C4orf50: variants seen among roughly 807,000 people sequenced by gnomAD.
The protein encoded by C4orf50 is uncharacterized protein C4orf50.
Under a neutral mutation model 77.2 loss-of-function variants are expected in C4orf50, and 80 were observed. The observed-to-expected ratio is 1.04, with a 90% CI of 0.87 to 1.25. The LOEUF (loss-of-function observed/expected upper bound fraction) is 1.25, where lower values mean the gene tolerates loss of function less well. Ranked by LOEUF, C4orf50 falls within the 50% of genes most tolerant of loss-of-function variation. The pLI is 0.00. For synonymous variants in C4orf50, 532 were observed against 465.3 expected (o/e 1.14, Z -1.84); for missense variants, 1,257 against 1,152.9 (o/e 1.09, Z -1.31).
intron 7 of C4orf50, among the ~76,000 whole-genome samples, chr4:5,942,166 T>C (rs748347913): frequency 1.2e-4 from 19 of 152,120 alleles, no homozygotes; most frequent in African/African-American, 1.7e-4. Context: ...ACAAATGGAC[T>C]GAAAAGGCCT....
At chr4:5,974,110 T>A (rs1471946520) in intron 30 of C4orf50, among the ~76,000 whole-genome samples, 1 of 152,172 alleles carries the variant, frequency 6.6e-6, no homozygotes, top group Non-Finnish European at 1.5e-5. Flanking sequence ...AGCGTGGATT[T>A]GGGCCCCACC....
intron 25 of C4orf50, among the ~76,000 whole-genome samples, chr4:5,998,360 T>C (rs1721687200): frequency 6.6e-6 from 1 of 152,186 alleles, no homozygotes; most frequent in Admixed American, 6.5e-5. Context: ...TTTTCGACAT[T>C]ATTGACACTG....
At chr4:5,991,261 A>G (rs1721267975) in intron 27 of C4orf50, among the ~76,000 whole-genome samples, 1 of 152,180 alleles carries the variant, frequency 6.6e-6, no homozygotes, top group African/African-American at 2.4e-5. Context: ...TGGAGCTCCT[A>G]AAATGTAAAG....
At chr4:5,971,746 T>C (rs1410303919) in intron 31 of C4orf50, among the ~76,000 whole-genome samples, 1 of 152,198 alleles carries the variant, frequency 6.6e-6, no homozygotes, top group Non-Finnish European at 1.5e-5. Context: ...ACCTGTGTAA[T>C]AGTTCTCTTT....
intron 33 of C4orf50, among the ~76,000 whole-genome samples, chr4:5,964,782 AAAAAAAAAT>A (rs1168317922): frequency 6.6e-6 from 1 of 151,244 alleles, no homozygotes; most frequent in Non-Finnish European, 1.5e-5. Flanking sequence ...AAAAAAAAAA[AAAAAAAAAT>A]GTCACCAGAC....
At position 5,908,608 on chromosome 4, in the gene C4orf50, C is replaced by A. The variant is rs1476058682; in HGVS notation, c.*2475-10420G>T. Among the ~76,000 whole-genome samples, 1 of 151,766 alleles carries A rather than the reference C, an allele frequency of 6.6e-6. No homozygotes were observed. The highest frequency in any genetic ancestry group is 2.4e-5 in the African/African-American group (1 of 41,362). On this transcript the variant is annotated intron_variant, in intron 7 of 7. Transcript: ENST00000324058. The surrounding 1 kb of genome is among the most constrained non-coding windows in gnomAD (Gnocchi z 5.6). ...GCCCTGGGGTATCAGAAAATGAGGG[C>A]AAAAATGGGGACACTAGTCCATGAC... is the stretch of plus-strand genomic sequence containing the variant.
chr4:6,003,819 A>ATGG (rs1577990754), intron 25 of C4orf50, among the ~76,000 whole-genome samples: 1 of 81,750 alleles, frequency 1.2e-5, no homozygotes, highest in East Asian at 7.1e-4. Context: ...GATGGTGATG[A>ATGG]TGGTGATGGT....
At chr4:6,004,005 G>A (rs1324223139) in intron 25 of C4orf50, among the ~76,000 whole-genome samples, 9 of 146,584 alleles carry the variant, frequency 6.1e-5, no homozygotes, top group African/African-American at 2.0e-4. Context: ...GATGGTGATG[G>A]TGATGATGTG....
chr4:5,982,374 C>A (rs557835384), intron 28 of C4orf50, among the ~76,000 whole-genome samples: 11 of 152,344 alleles, frequency 7.2e-5, no homozygotes, highest in South Asian at 4.1e-4. Context: ...GAGTCTCCTG[C>A]TGTCTAGCAG....
At chr4:5,976,976 G>C (rs1361972762) in intron 29 of C4orf50, among the ~76,000 whole-genome samples, 1 of 152,228 alleles carries the variant, frequency 6.6e-6, no homozygotes, top group Non-Finnish European at 1.5e-5. Context: ...AGGACTGGCA[G>C]CTTCCACTTT....
chr4:5,963,640 A>C (rs529042737), intron 33 of C4orf50, among the ~76,000 whole-genome samples: 1 of 152,208 alleles, frequency 6.6e-6, no homozygotes, highest in African/African-American at 2.4e-5. Context: ...TGGGGATAAA[A>C]GAAGGGAGAA....
intron 25 of C4orf50, among the ~76,000 whole-genome samples, chr4:5,998,836 C>T (rs1055341193): frequency 1.3e-5 from 2 of 152,248 alleles, no homozygotes; most frequent in Non-Finnish European, 2.9e-5. Flanking sequence ...CATGGGAAAG[C>T]ATTCAGACCC....
At chr4:6,014,472 C>T (rs1380862758) in intron 23 of C4orf50, among the ~76,000 whole-genome samples, 2 of 152,164 alleles carry the variant, frequency 1.3e-5, no homozygotes, top group African/African-American at 4.8e-5. Context: ...GATTTTCTTC[C>T]TCACATTTCT....
At chr4:5,965,091 G>A (rs1300483905) in exon 33 of C4orf50, 1 of 1,613,754 alleles carries the variant, frequency 6.2e-7, no homozygotes, top group South Asian at 1.1e-5. Context: ...GGACTCTGAA[G>A]ACAATGAGCT....
chr4:6,001,233 C>T (rs2108800931), intron 25 of C4orf50, among the ~76,000 whole-genome samples: 1 of 152,330 alleles, frequency 6.6e-6, no homozygotes, highest in Middle Eastern at 3.4e-3. Flanking sequence ...ACTGCAACCT[C>T]TGCCCCCAAG....
intron 7 of C4orf50, among the ~76,000 whole-genome samples, chr4:5,929,974 G>A (rs1012198767): frequency 1.3e-5 from 2 of 152,200 alleles, no homozygotes; most frequent in Admixed American, 6.5e-5. Context: ...TACTTGATAG[G>A]TTTATGCCCT....
chr4:6,004,182 GTGATGGTGA>G (rs1722063747), intron 25 of C4orf50, among the ~76,000 whole-genome samples: 2 of 87,762 alleles, frequency 2.3e-5, no homozygotes, highest in Admixed American at 1.3e-4. Flanking sequence ...GGTGATGATG[GTGATGGTGA>G]TGATGGTGAT....
intron 7 of C4orf50, among the ~76,000 whole-genome samples, chr4:5,926,202 G>A (rs2108741627): frequency 6.6e-6 from 1 of 152,308 alleles, no homozygotes; most frequent in East Asian, 1.9e-4. Flanking sequence ...TCATCAGCTG[G>A]TGAATGGATA....
At position 6,009,384 on chromosome 4, in the gene C4orf50, G is replaced by A. The variant is rs534205827; in HGVS notation, c.427-852C>T. 3.3e-5 allele frequency among the ~76,000 whole-genome samples: 5 copies of A among 152,246 alleles called. No individual in the cohort carries two copies. Among genetic ancestry groups the A allele is most frequent in the South Asian group, 2.1e-4 (1 of 4,828 alleles). The stretch of plus-strand genomic sequence containing the variant: ...GCTGCTCTTCTGCCGGGGAGCTTCC[G>A]GAAAACAAAAACAAACAAACTAAGA... On this transcript the variant is annotated intron_variant, in intron 24 of 33. Transcript: ENST00000531445. The surrounding 1 kb of genome is among the most constrained non-coding windows in gnomAD (Gnocchi z 5.6).
Sources: allele counts gnomAD v4.1 joint callset (sites outside exome capture counted in the v4.1 genomes callset), GRCh38; gene constraint gnomAD v4.1.1; non-coding constraint Gnocchi (gnomAD v3.1); transcripts MANE v1.5; gene names NCBI Gene and HGNC (gene_info 2026-07-23, HGNC 2026-07-21).